C7orf78: variants seen among roughly 807,000 people sequenced by gnomAD.
The protein encoded by C7orf78 is chromosome 7 open reading frame 78.
At chr7:12,500,292 C>A in the C7orf78 span, among the ~76,000 whole-genome samples, 2 of 151,752 alleles carry the variant, frequency 1.3e-5, no homozygotes, top group Non-Finnish European at 2.9e-5. Flanking sequence ...AATCCAGGAG[C>A]TTGTTTTTTG....
the C7orf78 span, among the ~76,000 whole-genome samples, chr7:12,513,726 C>T: frequency 5.1e-4 from 77 of 151,696 alleles, 1 homozygote; most frequent in African/African-American, 1.3e-3. Flanking sequence ...CTGGGCCGGG[C>T]GCGGTGGCTC....
At chr7:12,491,178 TATC>T in the C7orf78 span, 2 of 152,176 alleles carry the variant, frequency 1.3e-5, no homozygotes, top group Non-Finnish European at 2.9e-5. Context: ...ATGGATTTCT[TATC>T]ATTGTTAACT....
the C7orf78 span, among the ~76,000 whole-genome samples, chr7:12,529,812 C>T: frequency 3.9e-5 from 6 of 152,212 alleles, no homozygotes; most frequent in Admixed American, 2.6e-4. Context: ...TGGTGTTAGA[C>T]GGCATCTTTT....
chr7:12,508,467 T>C, the C7orf78 span, among the ~76,000 whole-genome samples: 1 of 152,174 alleles, frequency 6.6e-6, no homozygotes, highest in African/African-American at 2.4e-5. Flanking sequence ...ACTAACCTAT[T>C]TGAAAACATG....
the C7orf78 span, among the ~76,000 whole-genome samples, chr7:12,528,443 TTCCTAGTATA>T: frequency 6.6e-6 from 1 of 150,914 alleles, no homozygotes; most frequent in Non-Finnish European, 1.5e-5. Flanking sequence ...CATGTCAGCT[TTCCTAGTATA>T]TGCTATGTGT....
At chr7:12,490,048 A>G in the C7orf78 span, among the ~76,000 whole-genome samples, 2 of 152,272 alleles carry the variant, frequency 1.3e-5, no homozygotes, top group South Asian at 4.1e-4. Flanking sequence ...ATTTCTATAT[A>G]GAATGGTTAT....
chr7:12,510,479 T>G, the C7orf78 span, among the ~76,000 whole-genome samples: 1 of 152,192 alleles, frequency 6.6e-6, no homozygotes, highest in Non-Finnish European at 1.5e-5. Flanking sequence ...TTTACTTTTT[T>G]GAGAAATCTC....
At chr7:12,492,980 A>G in the C7orf78 span, among the ~76,000 whole-genome samples, 1 of 152,188 alleles carries the variant, frequency 6.6e-6, no homozygotes, top group African/African-American at 2.4e-5. Flanking sequence ...AGGTGGGTGG[A>G]TAACTTGAGC....
the C7orf78 span, among the ~76,000 whole-genome samples, chr7:12,498,026 G>A: frequency 0.13 from 19,089 of 151,462 alleles, 1,564 homozygotes; most frequent in East Asian, 0.33. Flanking sequence ...TGAGGGTCCT[G>A]TCTGTTAGAA....
the C7orf78 span, among the ~76,000 whole-genome samples, chr7:12,524,052 G>C: frequency 6.6e-6 from 1 of 152,148 alleles, no homozygotes; most frequent in East Asian, 1.9e-4. Flanking sequence ...CAGTAGAACT[G>C]ATAGAACAGG....
chr7:12,492,686 G>A, the C7orf78 span, among the ~76,000 whole-genome samples: 1 of 152,186 alleles, frequency 6.6e-6, no homozygotes. Context: ...GTGAACAAAT[G>A]TTCAACAACA....
the C7orf78 span, among the ~76,000 whole-genome samples, chr7:12,512,576 G>C: frequency 5.3e-5 from 8 of 152,176 alleles, no homozygotes; most frequent in Non-Finnish European, 1.2e-4. Flanking sequence ...ATGTGCAGTT[G>C]GATTTGATTT....
chr7:12,519,917 T>G, the C7orf78 span, among the ~76,000 whole-genome samples: 1 of 152,194 alleles, frequency 6.6e-6, no homozygotes, highest in African/African-American at 2.4e-5. Flanking sequence ...AGTGGTGCCA[T>G]GCTGTAGCCA....
chr7:12,526,361 A>T, the C7orf78 span, among the ~76,000 whole-genome samples: 1 of 152,152 alleles, frequency 6.6e-6, no homozygotes, highest in Admixed American at 6.6e-5. Flanking sequence ...TAACATACAC[A>T]CATGCATGCT....
At chr7:12,500,164 A>G in the C7orf78 span, among the ~76,000 whole-genome samples, 1 of 149,248 alleles carries the variant, frequency 6.7e-6, no homozygotes, top group African/African-American at 2.5e-5. Context: ...CATCACAATT[A>G]AAAGAACTAG....
chr7:12,525,012 C>T, the C7orf78 span, among the ~76,000 whole-genome samples: 2 of 152,052 alleles, frequency 1.3e-5, no homozygotes, highest in Non-Finnish European at 1.5e-5. Context: ...ACAAATTAAA[C>T]CTCAGTGAAG....
At chr7:12,540,696 T>A in the C7orf78 span, among the ~76,000 whole-genome samples, 3 of 152,220 alleles carry the variant, frequency 2.0e-5, no homozygotes, top group Non-Finnish European at 2.9e-5. Flanking sequence ...ATAGTTCTAC[T>A]TCCACATCAT....
At chr7:12,526,068 C>T in the C7orf78 span, among the ~76,000 whole-genome samples, 1 of 152,130 alleles carries the variant, frequency 6.6e-6, no homozygotes, top group South Asian at 2.1e-4. Context: ...AATACGTTTA[C>T]TTTTCTACCA....
At chr7:12,524,310 T>G in the C7orf78 span, among the ~76,000 whole-genome samples, 1 of 152,202 alleles carries the variant, frequency 6.6e-6, no homozygotes, top group African/African-American at 2.4e-5. Flanking sequence ...TGTTGAGGTA[T>G]TCGATGAATG....
Sources: gnomAD v4.1 joint callset for allele counts (sites outside exome capture counted in the v4.1 genomes callset) on GRCh38, gnomAD v4.1.1 for gene constraint, MANE v1.5 for transcripts, NCBI Gene and HGNC (gene_info 2026-07-23, HGNC 2026-07-21) for gene names.